Variants in OPCML observed in about 807,000 individuals in gnomAD.
OPCML encodes the protein opioid-binding protein/cell adhesion molecule.
OPCML carries 13 observed loss-of-function variants against 37.8 expected under a neutral mutation model. The ratio of observed to expected loss-of-function variants is 0.34; its 90% CI spans 0.22 to 0.55. The LOEUF (loss-of-function observed/expected upper bound fraction) is 0.55. Among genes scored for constraint, OPCML ranks in the 20% least tolerant of loss-of-function variants. The pLI is 0.91. For missense variants in OPCML, 341 were observed against 435.6 expected, an observed-to-expected ratio of 0.78 and a Z score of 1.93; for synonymous variants, 176 against 168.8, an observed-to-expected ratio of 1.04 and a Z score of -0.33.
At chr11:132,974,710 T>G (rs2136766237) in intron 1 of OPCML, among the ~76,000 whole-genome samples, 1 of 152,330 alleles carries the variant, frequency 6.6e-6, no homozygotes, top group African/African-American at 2.4e-5. Context: ...GTATGTTTAT[T>G]GCAGCACTAT....
chr11:132,710,077 T>A (rs1944200728), intron 2 of OPCML, among the ~76,000 whole-genome samples: 1 of 152,218 alleles, frequency 6.6e-6, no homozygotes. Context: ...TACATCGTAG[T>A]GGTTCTCCAA....
chr11:133,374,362 G>A (rs1340485418), intron 1 of OPCML, among the ~76,000 whole-genome samples: 1 of 152,210 alleles, frequency 6.6e-6, no homozygotes, highest in African/African-American at 2.4e-5. Flanking sequence ...GAATCCCCAA[G>A]AGGCATGAGG....
At chr11:133,120,423 A>G (rs1263866668) in intron 1 of OPCML, among the ~76,000 whole-genome samples, 3 of 152,218 alleles carry the variant, frequency 2.0e-5, no homozygotes, top group Non-Finnish European at 4.4e-5. Flanking sequence ...CCACTTGGAA[A>G]CATACAAGAG....
At chr11:132,483,780 G>C (rs1458145301) in intron 4 of OPCML, among the ~76,000 whole-genome samples, 1 of 151,666 alleles carries the variant, frequency 6.6e-6, no homozygotes, top group Non-Finnish European at 1.5e-5. Context: ...ACAACTATCT[G>C]ATCTTTGACA....
intron 2 of OPCML, among the ~76,000 whole-genome samples, chr11:132,722,304 C>A (rs573924015): frequency 4.1e-4 from 63 of 151,916 alleles, no homozygotes; most frequent in African/African-American, 1.5e-3. Context: ...ACTCACACCA[C>A]ATCCATTTTA....
chr11:132,480,428 A>C (rs2096175572), intron 4 of OPCML, among the ~76,000 whole-genome samples: 1 of 152,256 alleles, frequency 6.6e-6, no homozygotes, highest in South Asian at 2.1e-4. Context: ...GAATGGAACC[A>C]AGTTGGAAAA....
At chr11:133,439,617 G>A (rs547989602) in intron 1 of OPCML, among the ~76,000 whole-genome samples, 50 of 151,786 alleles carry the variant, frequency 3.3e-4, no homozygotes, top group Non-Finnish European at 5.3e-4. Context: ...ACAGGTGCCC[G>A]CCACCATGCC....
At chr11:133,006,775 A>G in intron 1 of OPCML, 1 of 985,438 alleles carries the variant, frequency 1.0e-6, no homozygotes, top group Non-Finnish European at 1.2e-6. Flanking sequence ...CGCCTGCCCC[A>G]TGCACACAGC....
chr11:132,703,335 T>C (rs770079085), intron 2 of OPCML, among the ~76,000 whole-genome samples: 2 of 152,210 alleles, frequency 1.3e-5, no homozygotes, highest in Non-Finnish European at 2.9e-5. Flanking sequence ...AGTAAAAATA[T>C]GGTATTATAA....
At chr11:132,870,106 A>G (rs1223689051) in intron 2 of OPCML, among the ~76,000 whole-genome samples, 1 of 152,154 alleles carries the variant, frequency 6.6e-6, no homozygotes, top group Non-Finnish European at 1.5e-5. Context: ...GCAACTACAT[A>G]ACATAGATAT....
chr11:132,889,793 C>T lies in OPCML; in HGVS notation c.146+53133G>A, dbSNP rs73589384. 4.6e-3 allele frequency among the ~76,000 whole-genome samples: 700 copies of T among 152,284 alleles called. 4 individuals carry two copies. The highest frequency in any genetic ancestry group is 0.016 in the African/African-American group (645 of 41,562). On this transcript the variant is annotated intron_variant, in intron 2 of 7. Coordinates refer to ENST00000524381, the MANE Select transcript of OPCML (RefSeq NM_001012393.5). ...GAGGTTTGTCTGAATAAATACAGCC[C>T]ATTCCATTCTAACACAGTGCTGGCA...
chr11:132,461,092 G>T (rs1459883109), intron 4 of OPCML, among the ~76,000 whole-genome samples: 4 of 152,124 alleles, frequency 2.6e-5, no homozygotes, highest in Non-Finnish European at 5.9e-5. Flanking sequence ...CATGAGTCAG[G>T]TTCTGAAAAA....
intron 1 of OPCML, among the ~76,000 whole-genome samples, chr11:133,165,948 C>T (rs751732960): frequency 3.3e-5 from 5 of 152,172 alleles, no homozygotes; most frequent in Non-Finnish European, 5.9e-5. Flanking sequence ...GTAAGGCCAG[C>T]GGATGCCTCG....
intron 1 of OPCML, among the ~76,000 whole-genome samples, chr11:133,260,983 A>T: frequency 6.6e-6 from 1 of 152,208 alleles, no homozygotes. Context: ...GCATCTCCGA[A>T]GTGCAGCTCC....
chr11:133,223,194 T>C (rs1939907974), intron 1 of OPCML, among the ~76,000 whole-genome samples: 2 of 152,172 alleles, frequency 1.3e-5, no homozygotes, highest in Non-Finnish European at 2.9e-5. Context: ...GCCTAACCAT[T>C]GTCTGTCTTC....
chr11:133,075,884 T>C (rs749698421), intron 1 of OPCML, among the ~76,000 whole-genome samples: 44 of 152,168 alleles, frequency 2.9e-4, no homozygotes, highest in Non-Finnish European at 5.3e-4. Context: ...TCCACCCAAA[T>C]TCCAGTCAGC....
At chr11:132,960,179 T>A (rs1946061632) in intron 1 of OPCML, among the ~76,000 whole-genome samples, 1 of 152,220 alleles carries the variant, frequency 6.6e-6, no homozygotes, top group Non-Finnish European at 1.5e-5. Context: ...CTAAGGTAAG[T>A]GACTTACGTG....
intron 4 of OPCML, among the ~76,000 whole-genome samples, chr11:132,477,008 C>A (rs1210582102): frequency 6.6e-6 from 1 of 151,990 alleles, no homozygotes; most frequent in Non-Finnish European, 1.5e-5. Context: ...TGATTTTTGT[C>A]AAAAATAGGT....
Position 132,506,060 on chromosome 11 carries a change from A to C in OPCML, c.505+23001T>G, listed in dbSNP as rs7107734. ...TTACTCATACAATTACAACTATCAGAAAAGAAGACCTCAGCTTGCTCTACT... is the reference window on the plus strand; with the variant it reads ...TTACTCATACAATTACAACTATCAGCAAAGAAGACCTCAGCTTGCTCTACT... On this transcript the variant is annotated intron_variant, in intron 4 of 7. Coordinates refer to ENST00000524381, the MANE Select transcript of OPCML (RefSeq NM_001012393.5). Among the ~76,000 whole-genome samples, 1,076 of 152,310 alleles carry C rather than the reference A, an allele frequency of 7.1e-3. 9 individuals are homozygous for C. Among genetic ancestry groups the C allele is most frequent in the African/African-American group, 0.024 (997 of 41,578 alleles).
Sources: gnomAD v4.1 joint callset for allele counts (sites outside exome capture counted in the v4.1 genomes callset) on GRCh38, gnomAD v4.1.1 for gene constraint, MANE v1.5 for transcripts, NCBI Gene and HGNC (gene_info 2026-07-23, HGNC 2026-07-21) for gene names.